The following LIN54 variants were observed in gnomAD, a reference collection of about 807,000 sequenced individuals.
LIN54 encodes the protein lin-54 DREAM MuvB core complex component.
Under a neutral mutation model 78.7 loss-of-function variants are expected in LIN54, and 9 were observed. The observed-to-expected ratio is 0.11, with a 90% CI of 0.07 to 0.20. The LOEUF is 0.20. Ranked by LOEUF, LIN54 falls within the 10% of genes least tolerant of loss-of-function variation. The pLI is 1.00. For missense variants in LIN54, 573 were observed against 889.9 expected (o/e 0.64, Z 4.53); for synonymous variants, 269 against 318.4 (o/e 0.84, Z 1.65).
chr4:82,963,051 A>C (rs552868856), intron 4 of LIN54, among the ~76,000 whole-genome samples: 1 of 152,186 alleles, frequency 6.6e-6, no homozygotes, highest in Non-Finnish European at 1.5e-5. Flanking sequence ...ACATTTAGAC[A>C]CACAATAGTC....
rs543599906 is a variant in LIN54, at chr4:82,958,226, G to A, written c.952-11752C>T. ...CTAATGACAATTTACCTGTGTTTAC[G>A]TAGCATTATTATGTATATATACAGA... On this transcript the variant is annotated intron_variant, in intron 4 of 12. Transcript: ENST00000340417. Among the ~76,000 whole-genome samples the A allele has an allele frequency of 5.3e-5, 8 of 152,286 alleles. No homozygotes were observed. In the East Asian group the frequency reaches 7.7e-4, roughly 15 times the overall value.
At chr4:83,012,493 C>T (rs1274117470), upstream of LIN54, among the ~76,000 whole-genome samples, 1 of 152,148 alleles carries the variant, frequency 6.6e-6, no homozygotes. Context: ...AGCCCTTACT[C>T]CAGACCGCCG....
At chr4:82,942,890 A>ACCCTCC (rs1219020213) in intron 5 of LIN54, among the ~76,000 whole-genome samples, 2 of 138,674 alleles carry the variant, frequency 1.4e-5, no homozygotes, top group Admixed American at 7.2e-5. Flanking sequence ...ACACACACAC[A>ACCCTCC]CACCCTCCCT....
At chr4:82,947,235 A>ATTTTTTTTTT (rs34511957) in intron 4 of LIN54, among the ~76,000 whole-genome samples, 2,226 of 44,310 alleles carry the variant, frequency 0.05, 293 homozygotes, top group East Asian at 0.18. Flanking sequence ...ATATATATAT[A>ATTTTTTTTTT]TTTTTTTTTT....
chr4:82,985,720 T>C (rs188628071), intron 1 of LIN54, among the ~76,000 whole-genome samples: 7 of 152,320 alleles, frequency 4.6e-5, no homozygotes, highest in Non-Finnish European at 1.0e-4. Flanking sequence ...TTTGTACTTT[T>C]AGTAGAGACA....
Position 82,936,401 on chromosome 4 carries a change from A to G in LIN54, c.1605-20T>C, listed in dbSNP as rs750303235. On this transcript the variant is annotated intron_variant, in intron 9 of 12. Coordinates refer to ENST00000340417, the MANE Select transcript of LIN54 (RefSeq NM_194282.4). ...CAATACCTGAAAGGTAAAAGTCAGT[A>G]TAAGGTAAAAAGTCATTATTAAGGA... 5 of 1,373,390 alleles carry G rather than the reference A, an allele frequency of 3.6e-6. No homozygotes were observed. The highest frequency in any genetic ancestry group is 5.0e-6 in the Non-Finnish European group (5 of 991,632). 85.1% of individuals were successfully genotyped at this position (1,373,390 alleles called of 1,614,324 possible).
chr4:82,952,040 G>A (rs1010858285), intron 4 of LIN54, among the ~76,000 whole-genome samples: 8 of 152,014 alleles, frequency 5.3e-5, no homozygotes, highest in African/African-American at 1.9e-4. Context: ...AAGAAAACAG[G>A]GCAAAGCTTC....
chr4:82,940,728 T>C (rs2126038013), intron 5 of LIN54, among the ~76,000 whole-genome samples: 1 of 152,280 alleles, frequency 6.6e-6, no homozygotes, highest in South Asian at 2.1e-4. Flanking sequence ...ACAGAATACA[T>C]ACTAAAAGGC....
rs1288948822 is a variant in LIN54, at chr4:82,934,207, G to A, written c.1845+1774C>T. Among the ~76,000 whole-genome samples, 18 of 152,090 alleles carry A rather than the reference G, an allele frequency of 1.2e-4. No homozygotes were observed. In the South Asian group the frequency reaches 3.3e-3, roughly 28 times the overall value. On this transcript the variant is annotated intron_variant, in intron 11 of 12. Transcript: ENST00000340417. ...GGATCACTTGAGTTTGAGAGCAACC[G>A]GGCCAACGTGGTGAAACCCTGTCTC... is the stretch of plus-strand genomic sequence containing the variant.
At chr4:82,996,311 G>A (rs1248869855) in intron 1 of LIN54, among the ~76,000 whole-genome samples, 8 of 152,064 alleles carry the variant, frequency 5.3e-5, no homozygotes, top group Non-Finnish European at 1.2e-4. Context: ...GAGCTGAGAA[G>A]CTTTAGTTCA....
chr4:83,011,934 G>T, upstream of LIN54: 2 of 648,956 alleles, frequency 3.1e-6, no homozygotes, highest in Non-Finnish European at 3.8e-6. Context: ...TTTCAAGGCT[G>T]CGAACAGGGC....
At chr4:82,946,787 TAAGAA>T (rs1478299605) in intron 4 of LIN54, among the ~76,000 whole-genome samples, 1 of 152,176 alleles carries the variant, frequency 6.6e-6, no homozygotes, top group Non-Finnish European at 1.5e-5. Context: ...GTAAAATTTA[TAAGAA>T]AAGAATTATT....
intron 1 of LIN54, among the ~76,000 whole-genome samples, chr4:82,998,663 T>C (rs988504246): frequency 2.0e-5 from 3 of 151,910 alleles, no homozygotes; most frequent in African/African-American, 4.8e-5. Flanking sequence ...AAAGAAAGAA[T>C]CTGAGTGTTT....
In LIN54 at chr4:82,980,055, T is replaced by C. The variant is rs148401144; in HGVS notation, c.685-1049A>G. On this transcript the variant is annotated intron_variant, in intron 2 of 12. Coordinates refer to ENST00000340417, the MANE Select transcript of LIN54 (RefSeq NM_194282.4). Reference sequence around the variant, plus strand: ...TCAAACTCCTGGGCTACAGCAACTGTTTATTATATTTTAAATTCCTTGAAG... The same window carrying C: ...TCAAACTCCTGGGCTACAGCAACTGCTTATTATATTTTAAATTCCTTGAAG... Among the ~76,000 whole-genome samples the C allele has an allele frequency of 7.0e-3, 1,056 of 151,634 alleles. 9 individuals carry two copies. Among genetic ancestry groups the C allele is most frequent in the African/African-American group, 0.023 (973 of 41,450 alleles).
intron 1 of LIN54, among the ~76,000 whole-genome samples, chr4:83,009,963 A>G (rs1729719474): frequency 6.6e-6 from 1 of 152,218 alleles, no homozygotes; most frequent in Non-Finnish European, 1.5e-5. Context: ...GAGTATCTCA[A>G]TTGTTATATG....
At chr4:82,957,751 T>A (rs534633093) in intron 4 of LIN54, among the ~76,000 whole-genome samples, 1 of 152,290 alleles carries the variant, frequency 6.6e-6, no homozygotes, top group African/African-American at 2.4e-5. Flanking sequence ...CTTTTCTTGG[T>A]TTTGTAAGTT....
At chr4:82,960,897 CA>C (rs1409256267) in intron 4 of LIN54, among the ~76,000 whole-genome samples, 2 of 151,868 alleles carry the variant, frequency 1.3e-5, no homozygotes, top group African/African-American at 2.4e-5. Flanking sequence ...CCCATCTCTA[CA>C]AAAAATACAA....
intron 1 of LIN54, among the ~76,000 whole-genome samples, chr4:82,996,563 G>A (rs2126101936): frequency 6.6e-6 from 1 of 151,954 alleles, no homozygotes; most frequent in African/African-American, 2.4e-5. Flanking sequence ...GTGCTACCAT[G>A]CCTGGCTAAT....
chr4:82,958,552 C>T (rs1222269247), intron 4 of LIN54, among the ~76,000 whole-genome samples: 1 of 152,002 alleles, frequency 6.6e-6, no homozygotes, highest in African/African-American at 2.4e-5. Flanking sequence ...TCACTTCTGG[C>T]CTATTGTAAA....
Sources: allele counts gnomAD v4.1 joint callset (sites outside exome capture counted in the v4.1 genomes callset), GRCh38; gene constraint gnomAD v4.1.1; transcripts MANE v1.5; gene names NCBI Gene and HGNC (gene_info 2026-07-23, HGNC 2026-07-21).